Variants in THBS2 observed in about 807,000 individuals in gnomAD.
THBS2 encodes the protein thrombospondin-2.
THBS2 carries 47 observed loss-of-function variants against 135.2 expected under a neutral mutation model. The ratio of observed to expected loss-of-function variants is 0.35; its 90% confidence interval spans 0.28 to 0.44. The LOEUF is 0.44. THBS2 is among the 20% of genes least tolerant of loss of function. The pLI, the probability that THBS2 is intolerant of heterozygous loss-of-function variation, is 1.00. For missense variants in THBS2, 1,288 were observed against 1,603.1 expected, an observed-to-expected ratio of 0.80 and a Z score of 3.36; for synonymous variants, 639 against 633.8, an observed-to-expected ratio of 1.01 and a Z score of -0.12.
intron 7 of THBS2, among the ~76,000 whole-genome samples, chr6:169,238,203 G>A (rs369302701): frequency 1.5e-4 from 23 of 152,262 alleles, no homozygotes; most frequent in African/African-American, 4.1e-4. Context: ...ACCTCTGTTC[G>A]CTGATTTACA....
At chr6:169,250,616 A>G (rs1030458488) in intron 2 of THBS2, 117 bp downstream of exon 2, 2 of 773,228 alleles carry the variant, frequency 2.6e-6, no homozygotes, top group African/African-American at 3.5e-5. Context: ...TAAAGGAGCT[A>G]GAAGGTCCTC....
At position 169,232,189 on chromosome 6, in the gene THBS2, G is replaced by A. The variant is rs775223098; in HGVS notation, c.1942C>T (p.Pro648Ser). Residue 648 changes from proline (P) to serine (S), a missense_variant, in exon 13 of 22, where the codon CCC becomes TCC. By Grantham distance (74) the Pro-to-Ser change is moderately conservative. Transcript: ENST00000617924. ...GTCTTGTCCTTGCATGGGTTTTCGG[G>A]CTCACACACCTACGGGGAGAAGGGC... Reference protein sequence around the residue: ...AAKTEKQVCEPENPCKDKTHN... With the variant: ...AAKTEKQVCESENPCKDKTHN... The A allele has an allele frequency of 1.2e-6, 2 of 1,613,308 alleles. No homozygotes were observed. The highest frequency in any genetic ancestry group is 1.1e-5 in the South Asian group (1 of 91,076).
chr6:169,240,668 C>T, intron 5 of THBS2, 76 bp from the exon 6 acceptor site: 1 of 1,527,640 alleles, frequency 6.5e-7, no homozygotes. Flanking sequence ...GGATGAAAAA[C>T]AAAGTTCCTC....
chr6:169,239,271 C>T, intron 7 of THBS2: 2 of 384,386 alleles, frequency 5.2e-6, no homozygotes, highest in Non-Finnish European at 9.4e-6. Context: ...AGTCACAGAT[C>T]TACGTGTGTT....
intron 12 of THBS2, among the ~76,000 whole-genome samples, 200 bp from the exon 13 acceptor site, chr6:169,232,398 T>C (rs148615866): frequency 6.6e-6 from 1 of 152,182 alleles, no homozygotes; most frequent in Admixed American, 6.5e-5. Flanking sequence ...CCATCGTTTC[T>C]GAGCCTCGGC....
At chr6:169,227,136 CT>C (rs1779656179) in intron 15 of THBS2, among the ~76,000 whole-genome samples, 1 of 152,164 alleles carries the variant, frequency 6.6e-6, no homozygotes, top group Non-Finnish European at 1.5e-5. Context: ...GAGAAACCCG[CT>C]GTGAGACAGA....
rs1166009350 is a variant in THBS2 at position 169,248,763 on chromosome 6, G to A, written c.263C>T (p.Ala88Val). Residue 88 changes from alanine to valine, a missense_variant, in exon 3 of 22, where the codon GCC becomes GTC. Around this residue, in one of 2 missense-constraint regions of THBS2, gnomAD observed 414 missense variants for 447.0 expected, o/e 0.93. Transcript: ENST00000617924. ...GGACTTGCCGTCCTGCTTGAGCTGG[G>A]CCGTGAGGAAGAAGCCCTCCTTCTG... Reference protein sequence around the residue: ...MRQKEGFFLTAQLKQDGKSRG... With the variant: ...MRQKEGFFLTVQLKQDGKSRG... 22 of 1,612,624 alleles carry A rather than the reference G, an allele frequency of 1.4e-5. No individual in the cohort carries two copies. The highest frequency in any genetic ancestry group is 2.7e-5 in the African/African-American group (2 of 74,882).
chr6:169,229,437 G>C, intron 14 of THBS2, 135 bp downstream of exon 14: 1 of 656,250 alleles, frequency 1.5e-6, no homozygotes, highest in Non-Finnish European at 2.6e-6. Flanking sequence ...AGTGACCTTT[G>C]GGAACTGCCT....
At chr6:169,249,076 G>T (rs952957704) in intron 2 of THBS2, 103 bp from the exon 3 acceptor site, 7 of 1,136,932 alleles carry the variant, frequency 6.2e-6, no homozygotes, top group Non-Finnish European at 8.6e-6. Context: ...GGAAATTAAC[G>T]AGGCCTCCCA....
chr6:169,246,125 A>G, intron 4 of THBS2, 72 bp downstream of exon 4: 1 of 1,323,352 alleles, frequency 7.6e-7, no homozygotes, highest in Non-Finnish European at 1.1e-6. Context: ...ATACACACAC[A>G]CACATACACC....
intron 7 of THBS2, 89 bp downstream of exon 7, chr6:169,239,510 C>T (rs1780217259): frequency 1.5e-6 from 2 of 1,298,400 alleles, no homozygotes; most frequent in Non-Finnish European, 2.1e-6. Context: ...CCTCACTCTT[C>T]TCTGCCAAAA....
Position 169,233,319 on chromosome 6 carries a change from C to T in THBS2, c.1652-302G>A, listed in dbSNP as rs191990058. ...CACACAACTGCCTACGCACCAGGTTCCACAACACACAACTACATGTCAGGT... is the reference window on the plus strand; with the variant it reads ...CACACAACTGCCTACGCACCAGGTTTCACAACACACAACTACATGTCAGGT... On this transcript the variant is annotated intron_variant, in intron 10 of 21. Transcript: ENST00000617924. 3.7e-3 allele frequency among the ~76,000 whole-genome samples: 564 copies of T among 152,026 alleles called. 5 individuals are homozygous for T. The highest frequency in any genetic ancestry group is 5.0e-3 in the Non-Finnish European group (342 of 67,952).
intron 20 of THBS2, 76 bp downstream of exon 20, chr6:169,221,354 T>TTA (rs1779422913): frequency 7.6e-7 from 1 of 1,310,834 alleles, no homozygotes; most frequent in African/African-American, 1.5e-5. Context: ...TGAGCTTATT[T>TTA]GTCTATTAAT....
At chr6:169,233,082 C>T in intron 10 of THBS2, 65 bp from the exon 11 acceptor site, 1 of 1,439,496 alleles carries the variant, frequency 6.9e-7, no homozygotes, top group Non-Finnish European at 9.1e-7. Context: ...GAAGCCCGCC[C>T]TGTGGGCCGT....
chr6:169,248,390 C>T (rs1351272611), intron 3 of THBS2, 27 bp downstream of exon 3: 13 of 1,573,766 alleles, frequency 8.3e-6, no homozygotes, highest in African/African-American at 2.7e-5. Context: ...TCCTCCCTCA[C>T]GGCGGCCACC....
intron 4 of THBS2, among the ~76,000 whole-genome samples, chr6:169,243,364 C>A (rs565290923): frequency 1.3e-5 from 2 of 152,342 alleles, no homozygotes; most frequent in African/African-American, 4.8e-5. Flanking sequence ...GCAGTCAGGG[C>A]CCAGGCTCTA....
Position 169,248,657 on chromosome 6 carries a change from C to A in THBS2, c.369G>T (p.Thr123=). 6.2e-7 allele frequency: 1 copy of A among 1,613,986 alleles called. No homozygotes were observed. The highest frequency in any genetic ancestry group is 8.5e-7 in the Non-Finnish European group (1 of 1,179,988). Residue 123 remains threonine, a synonymous_variant, in exon 3 of 22, where the codon ACG becomes ACT. Transcript: ENST00000617924. ...FEIVSNGPAD[T]LDLTYWIDGT... is the part of the protein sequence containing the mutation. ...CGTCAATCCAGTAGGTGAGATCCAG[C>A]GTGTCCGCGGGGCCGTTGGAGACGA...
At chr6:169,220,533 G>A (rs971596745) in intron 20 of THBS2, among the ~76,000 whole-genome samples, 196 bp from the exon 21 acceptor site, 2 of 152,150 alleles carry the variant, frequency 1.3e-5, no homozygotes, top group African/African-American at 2.4e-5. Context: ...TCCAGGGCAC[G>A]CCTTCCTTCT....
rs926231405 is a variant in THBS2, at chr6:169,239,035, G to A, written c.1129+564C>T. On this transcript the variant is annotated intron_variant, in intron 7 of 21. Transcript: ENST00000617924. ...GGCAGCACAGAGACCTGAGGGCAGC[G>A]TTGGGGCCAACTCAGTCTCTGAACG... 1.1e-4 allele frequency among the ~76,000 whole-genome samples: 17 copies of A among 152,276 alleles called. No homozygotes were observed. The South Asian group carries it at 1.2e-3, about 11-fold the overall frequency.
Sources: allele counts gnomAD v4.1 joint callset (sites outside exome capture counted in the v4.1 genomes callset), GRCh38; gene constraint gnomAD v4.1.1; regional missense constraint gnomAD v4.1.1; transcripts MANE v1.5; gene names NCBI Gene and HGNC (gene_info 2026-07-23, HGNC 2026-07-21).